Variants in AXIN1 observed in about 807,000 individuals in gnomAD.
AXIN1 encodes the protein axin-1.
A neutral mutation model predicts 76.4 loss-of-function variants in AXIN1; 30 were observed. The ratio of observed to expected loss-of-function variants is 0.39; its 90% CI spans 0.29 to 0.53. AXIN1 has a LOEUF of 0.53. Among genes scored for constraint, AXIN1 ranks in the 20% least tolerant of loss-of-function variants. The probability of loss-of-function intolerance (pLI) is 0.66; values close to 1 mark genes in which losing one functional copy is unlikely to be tolerated. For synonymous variants in AXIN1, 545 were observed against 501.4 expected (o/e 1.09, Z -1.16); for missense variants, 1,140 against 1,198.8 (o/e 0.95, Z 0.72).
At chr16:297,020 A>T (rs758407841) in intron 7 of AXIN1, 36 bp downstream of exon 7, 4 of 1,604,598 alleles carry the variant, frequency 2.5e-6, no homozygotes, top group Non-Finnish European at 3.4e-6. Flanking sequence ...GTGGCAAAGC[A>T]GGCCCCACGA....
rs1303646861 is a variant in AXIN1, at chr16:320,741, A to ATTTTTT, written c.879-6059_879-6058insAAAAAA. Among the ~76,000 whole-genome samples, 238 of 92,024 alleles carry ATTTTTT rather than the reference A, an allele frequency of 2.6e-3. 1 individual carries two copies. Among genetic ancestry groups the ATTTTTT allele is most frequent in the African/African-American group, 0.012 (217 of 17,786 alleles). The allele number at this position is 92,024 out of a possible 152,430, so 60.4% of individuals were successfully genotyped here. A position where few individuals can be genotyped will look rare whatever the true frequency, so the allele number is the denominator to read the frequency against. On this transcript the variant is annotated intron_variant, in intron 2 of 10. Coordinates refer to ENST00000262320, the MANE Select transcript of AXIN1 (RefSeq NM_003502.4). ...TGTGTGTGTATATATATATATATAT[A>ATTTTTT]TATTTTTTTTTTTTTTGAGACGGAG... is the stretch of plus-strand genomic sequence containing the variant.
In AXIN1 at chr16:352,421, CG is replaced by C. The variant is rs2054165823; in HGVS notation, c.-135del. The C allele has an allele frequency of 3.6e-6, 3 of 826,086 alleles. No individual in the cohort carries two copies. Among genetic ancestry groups the C allele is most frequent in the Non-Finnish European group, 2.6e-6 (2 of 755,236 alleles). 51.2% of individuals were successfully genotyped at this position (826,086 alleles called of 1,614,324 possible). ...GCCCGGCTCCCGGAGCGGCGCGGCG[CG>C]GTCCGGGCCCATGCGCTCAGCGGCA... is the stretch of plus-strand genomic sequence containing the variant. On this transcript the variant is annotated 5_prime_UTR_variant, in exon 1 of 11. The change creates a premature stop within an existing upstream ORF in the 5' untranslated region. Coordinates refer to ENST00000262320, the MANE Select transcript of AXIN1 (RefSeq NM_003502.4).
rs573886422 is a variant in AXIN1 at position 293,531 on chromosome 16, C to G, written c.2143G>C (p.Glu715Gln). The G allele has an allele frequency of 5.6e-6, 9 of 1,611,040 alleles. No homozygotes were observed. In the South Asian group the frequency reaches 9.9e-5, roughly 18 times the overall value. Reference sequence around the variant, plus strand: ...CGGCTGGCTCTCTTTTCTTCCTCCTCCAGACGTCGGCGCGCCTCCTCCAGC... The same window carrying G: ...CGGCTGGCTCTCTTTTCTTCCTCCTGCAGACGTCGGCGCGCCTCCTCCAGC... ...TQLEEARRRL[E>Q]EEEKRASRAP... Residue 715 changes from glutamate (E) to glutamine (Q), a missense_variant, in exon 8 of 11, where the codon GAG (glutamate) becomes CAG (glutamine). Physicochemically the swap from Glu to Gln is conservative, Grantham distance 29. Around this residue, in one of 3 missense-constraint regions of AXIN1, gnomAD observed 429 missense variants for 405.8 expected, o/e 1.06. Coordinates refer to ENST00000262320, the MANE Select transcript of AXIN1 (RefSeq NM_003502.4). The surrounding 1 kb of genome is among the most constrained non-coding windows in gnomAD (Gnocchi z 4.6).
At chr16:310,465 C>T (rs901146698) in intron 3 of AXIN1, among the ~76,000 whole-genome samples, 10 of 152,158 alleles carry the variant, frequency 6.6e-5, no homozygotes, top group Admixed American at 2.0e-4. Flanking sequence ...GGCACAATCT[C>T]GGCTCACTGC....
chr16:333,099 G>A (rs914033742), intron 2 of AXIN1, among the ~76,000 whole-genome samples: 2 of 152,092 alleles, frequency 1.3e-5, no homozygotes, highest in Non-Finnish European at 2.9e-5. Context: ...TTTGGAGGCC[G>A]AGGCAGGCGG....
rs780924135 is a variant in AXIN1 at position 293,536 on chromosome 16, C to T, written c.2138G>A (p.Arg713His). 11 of 1,611,150 alleles carry T rather than the reference C, an allele frequency of 6.8e-6. No individual in the cohort carries two copies. The highest frequency in any genetic ancestry group is 9.3e-6 in the Non-Finnish European group (11 of 1,179,980). Residue 713 changes from arginine (R) to histidine (H), a missense_variant, in exon 8 of 11, where the codon CGT becomes CAT. By Grantham distance (29) the Arg-to-His change is conservative. Transcript: ENST00000262320. The surrounding 1 kb of genome is among the most constrained non-coding windows in gnomAD (Gnocchi z 4.6). ...GGCTCTCTTTTCTTCCTCCTCCAGA[C>T]GTCGGCGCGCCTCCTCCAGCTGGGT... ...PLTQLEEARR[R>H]LEEEEKRASR...
chr16:351,338 G>A (rs561994709), intron 1 of AXIN1, among the ~76,000 whole-genome samples: 37 of 152,192 alleles, frequency 2.4e-4, no homozygotes, highest in African/African-American at 6.5e-4. Context: ...GGCCAGGCGC[G>A]GTGGCTCACG....
At chr16:344,533 G>T (rs958375069) in intron 2 of AXIN1, among the ~76,000 whole-genome samples, 1 of 150,122 alleles carries the variant, frequency 6.7e-6, no homozygotes, top group Non-Finnish European at 1.5e-5. Context: ...TTGTCGCCCA[G>T]GCTGGAGTGC....
chr16:352,543 G>T lies in AXIN1; in HGVS notation c.-256C>A. ...CCCGGAGGCGGACGCGGGGCAGGCC[G>T]CGGGGGCGCCGCAGGGGCCCAGCCG... On this transcript the variant is annotated 5_prime_UTR_variant, in exon 1 of 11. Transcript: ENST00000262320. 1 of 448,294 alleles carries T rather than the reference G, an allele frequency of 2.2e-6. No individual in the cohort carries two copies. The highest frequency in any genetic ancestry group is 2.9e-6 in the Non-Finnish European group (1 of 342,192). 27.8% of individuals were successfully genotyped at this position (448,294 alleles called of 1,614,324 possible).
intron 2 of AXIN1, among the ~76,000 whole-genome samples, chr16:318,553 G>A (rs924957209): frequency 7.2e-5 from 11 of 152,114 alleles, no homozygotes; most frequent in Non-Finnish European, 4.4e-5. Context: ...CAGCAGATGC[G>A]ACCAAGAACG....
Position 352,416 on chromosome 16 carries a change from C to A in AXIN1, c.-129G>T. The A allele has an allele frequency of 6.4e-5, 53 of 830,898 alleles. No individual in the cohort carries two copies. Among genetic ancestry groups the A allele is most frequent in the Non-Finnish European group, 6.8e-5 (52 of 759,650 alleles). 51.5% of individuals were successfully genotyped at this position (830,898 alleles called of 1,614,324 possible). A position where few individuals can be genotyped will look rare whatever the true frequency, so the allele number is the denominator to read the frequency against. ...CCCGGGCCCGGCTCCCGGAGCGGCG[C>A]GGCGCGGTCCGGGCCCATGCGCTCA... is the stretch of plus-strand genomic sequence containing the variant. On this transcript the variant is annotated 5_prime_UTR_variant, in exon 1 of 11. Transcript: ENST00000262320.
At chr16:292,309 T>C (rs1258693519) in intron 8 of AXIN1, 4 of 152,264 alleles carry the variant, frequency 2.6e-5, no homozygotes, top group Admixed American at 2.0e-4. Flanking sequence ...GGGTCACAGA[T>C]GTTTGGTCAT....
At chr16:347,364 C>A (rs2054053746) in intron 1 of AXIN1, among the ~76,000 whole-genome samples, 1 of 152,196 alleles carries the variant, frequency 6.6e-6, no homozygotes, top group Non-Finnish European at 1.5e-5. Flanking sequence ...TGCCACTCCC[C>A]ACAAGTCTCA....
At chr16:343,037 C>T (rs2053961202) in intron 2 of AXIN1, among the ~76,000 whole-genome samples, 1 of 152,180 alleles carries the variant, frequency 6.6e-6, no homozygotes, top group African/African-American at 2.4e-5. Flanking sequence ...ACCATTCCAA[C>T]ATCAGAGATC....
At chr16:327,964 C>G (rs2053616750) in intron 2 of AXIN1, among the ~76,000 whole-genome samples, 2 of 152,222 alleles carry the variant, frequency 1.3e-5, no homozygotes, top group East Asian at 3.8e-4. Flanking sequence ...AAATGCTTCA[C>G]CAGGCTGGGG....
At chr16:313,968 G>A (rs915746151) in intron 3 of AXIN1, among the ~76,000 whole-genome samples, 1 of 152,214 alleles carries the variant, frequency 6.6e-6, no homozygotes, top group Non-Finnish European at 1.5e-5. Context: ...TGCCAAGTGG[G>A]TGACAGGGAC....
intron 4 of AXIN1, among the ~76,000 whole-genome samples, chr16:305,361 T>G (rs1168058120): frequency 6.6e-6 from 1 of 152,054 alleles, no homozygotes; most frequent in African/African-American, 2.4e-5. Context: ...TTCCGACTAC[T>G]TGGGAGGCTG....
chr16:290,481 A>C (rs1261888768), intron 9 of AXIN1: 1 of 157,726 alleles, frequency 6.3e-6, no homozygotes, highest in African/African-American at 2.4e-5. Flanking sequence ...GGGCTGCCCC[A>C]GGGACAGGTG....
chr16:323,438 C>CAAA (rs57234697), intron 2 of AXIN1, among the ~76,000 whole-genome samples: 1 of 77,498 alleles, frequency 1.3e-5, no homozygotes, highest in Non-Finnish European at 2.6e-5. Flanking sequence ...GACTCCGTCT[C>CAAA]AAAAAAAAAA....
Sources: gnomAD v4.1 joint callset for allele counts (sites outside exome capture counted in the v4.1 genomes callset) on GRCh38, gnomAD v4.1.1 for gene constraint, gnomAD v4.1.1 regional missense constraint, Gnocchi (gnomAD v3.1) non-coding constraint, MANE v1.5 for transcripts, NCBI Gene and HGNC (gene_info 2026-07-23, HGNC 2026-07-21) for gene names.